ZFR: variants seen among roughly 807,000 people sequenced by gnomAD.
The protein encoded by ZFR is zinc finger RNA-binding protein.
ZFR carries 19 observed loss-of-function variants against 130.7 expected under a neutral mutation model. That is an observed-to-expected ratio of 0.15 (90% CI 0.10 to 0.21). The LOEUF (loss-of-function observed/expected upper bound fraction) is 0.21, where lower values mean the gene tolerates loss of function less well. Ranked by LOEUF, ZFR falls within the 10% of genes least tolerant of loss-of-function variation. The pLI, the probability that ZFR is intolerant of heterozygous loss-of-function variation, is 1.00. For synonymous variants in ZFR, 466 were observed against 456.9 expected (o/e 1.02, Z -0.25); for missense variants, 872 against 1,321.5 (o/e 0.66, Z 5.27).
intron 17 of ZFR, among the ~76,000 whole-genome samples, chr5:32,370,355 C>T (rs11748244): frequency 3.2e-3 from 6 of 1,896 alleles, no homozygotes; most frequent in Non-Finnish European, 7.2e-3. Context: ...GAGAGAGAGA[C>T]AGACAGACAG....
intron 6 of ZFR, among the ~76,000 whole-genome samples, chr5:32,406,322 A>G (rs1182478272): frequency 6.6e-6 from 1 of 152,212 alleles, no homozygotes; most frequent in Admixed American, 6.5e-5. Flanking sequence ...AACATACTAT[A>G]AAGTATATAT....
chr5:32,401,191 T>C (rs1753440830), intron 8 of ZFR, among the ~76,000 whole-genome samples: 1 of 152,246 alleles, frequency 6.6e-6, no homozygotes, highest in Admixed American at 6.5e-5. Flanking sequence ...TTTAAACTTT[T>C]CTTTCAAAAA....
chr5:32,366,744 G>A (rs1752554101), intron 17 of ZFR, among the ~76,000 whole-genome samples: 1 of 152,126 alleles, frequency 6.6e-6, no homozygotes, highest in South Asian at 2.1e-4. Flanking sequence ...AGGTTTTGAT[G>A]TAAAGGGTCT....
At position 32,420,024 on chromosome 5, in the gene ZFR, C is replaced by G. The variant is rs1175297380; in HGVS notation, c.217G>C (p.Ala73Pro). 6.2e-7 allele frequency: 1 copy of G among 1,613,550 alleles called. No homozygotes were observed. Among genetic ancestry groups the G allele is most frequent in the African/African-American group, 1.3e-5 (1 of 74,898 alleles). Residue 73 changes from alanine to proline, a missense_variant, in exon 3 of 20, where the codon GCT becomes CCT. This residue lies in a region of ZFR where 240 missense variants were observed against 441.2 expected (regional missense o/e 0.54). Coordinates refer to ENST00000265069, the MANE Select transcript of ZFR (RefSeq NM_016107.5). ...GCATAGGCAGCAGTAACTGTGTGAG[C>G]AGCTACTGGAGCCTGATGGACAGTG... is the stretch of plus-strand genomic sequence containing the variant. ...SYTVHQAPVA[A>P]HTVTAAYAPA...
chr5:32,440,428 A>C (rs1228421920), intron 2 of ZFR, among the ~76,000 whole-genome samples: 1 of 152,134 alleles, frequency 6.6e-6, no homozygotes, highest in African/African-American at 2.4e-5. Context: ...CGGGCGGAGG[A>C]CCGGAGTTCG....
At chr5:32,397,692 T>G (rs1753346169) in intron 9 of ZFR, among the ~76,000 whole-genome samples, 1 of 152,078 alleles carries the variant, frequency 6.6e-6, no homozygotes, top group Admixed American at 6.6e-5. Context: ...AAACTCCTTG[T>G]GATCCGCCCA....
chr5:32,359,947 GAAAA>G (rs763208305), intron 19 of ZFR, among the ~76,000 whole-genome samples: 3 of 123,952 alleles, frequency 2.4e-5, no homozygotes, highest in Admixed American at 1.6e-4. Context: ...CCGTCTTAAG[GAAAA>G]AAAAAAAAAA....
At chr5:32,429,919 T>G (rs914210110) in intron 2 of ZFR, among the ~76,000 whole-genome samples, 3 of 151,724 alleles carry the variant, frequency 2.0e-5, no homozygotes, top group South Asian at 2.1e-4. Flanking sequence ...AAAATTTTTT[T>G]TTGTTTTAAT....
chr5:32,403,348 G>T lies in ZFR; in HGVS notation c.1274C>A (p.Pro425Gln). Residue 425 changes from proline (P) to glutamine (Q), a missense_variant, in exon 8 of 20, where the codon CCA (proline) becomes CAA (glutamine). This residue lies in a region of ZFR where 143 missense variants were observed against 137.9 expected (regional missense o/e 1.04). Coordinates refer to ENST00000265069, the MANE Select transcript of ZFR (RefSeq NM_016107.5). ...AGAAGTAGCTTGGCTAACAACATTT[G>T]GTTCTGTTGATGGAATGGGTTTACC... ...KLGKPIPSTE[P>Q]NVVSQATSST... is the part of the protein sequence containing the mutation. 6.2e-7 allele frequency: 1 copy of T among 1,614,128 alleles called. No homozygotes were observed. Among genetic ancestry groups the T allele is most frequent in the Non-Finnish European group, 8.5e-7 (1 of 1,180,022 alleles).
At chr5:32,408,547 T>A (rs1015797172) in intron 5 of ZFR, among the ~76,000 whole-genome samples, 5 of 152,136 alleles carry the variant, frequency 3.3e-5, no homozygotes, top group Non-Finnish European at 7.4e-5. Context: ...ACATCTTCAT[T>A]ATTGGTAACT....
In ZFR at chr5:32,444,713, T is replaced by C. The variant is rs1278930838; in HGVS notation, c.-55A>G. On this transcript the variant is annotated 5_prime_UTR_variant, in exon 1 of 20. Transcript: ENST00000265069. ...ACTCTCACCCGCTGCCTCCCTCCTC[T>C]GCCCCGCTCCTCCTCAGCGGAGAAC... is the stretch of plus-strand genomic sequence containing the variant. 1 of 1,497,200 alleles carries C rather than the reference T, an allele frequency of 6.7e-7. No individual in the cohort carries two copies. Among genetic ancestry groups the C allele is most frequent in the Non-Finnish European group, 8.9e-7 (1 of 1,123,102 alleles). 92.7% of individuals were successfully genotyped at this position (1,497,200 alleles called of 1,614,324 possible). A position where few individuals can be genotyped will look rare whatever the true frequency, so the allele number is the denominator to read the frequency against.
chr5:32,414,652 T>C (rs1753779569), intron 5 of ZFR, among the ~76,000 whole-genome samples: 2 of 152,170 alleles, frequency 1.3e-5, no homozygotes, highest in Admixed American at 1.3e-4. Flanking sequence ...TCAATTTCAT[T>C]TGGAAAAGCA....
At chr5:32,400,992 T>A (rs1237772280) in intron 8 of ZFR, among the ~76,000 whole-genome samples, 1 of 152,252 alleles carries the variant, frequency 6.6e-6, no homozygotes, top group Non-Finnish European at 1.5e-5. Flanking sequence ...TTAGGTTTTA[T>A]CACTGTTTAT....
At chr5:32,366,691 A>G (rs1357568467) in intron 17 of ZFR, among the ~76,000 whole-genome samples, 2 of 152,174 alleles carry the variant, frequency 1.3e-5, no homozygotes, top group Non-Finnish European at 2.9e-5. Context: ...TAAAAAGATA[A>G]TATCAAAAAT....
chr5:32,393,102 G>A (rs1033771272), intron 11 of ZFR, among the ~76,000 whole-genome samples: 4 of 152,156 alleles, frequency 2.6e-5, no homozygotes, highest in African/African-American at 9.7e-5. Context: ...CACCACATAT[G>A]AACACAAAAG....
chr5:32,403,152 T>G lies in ZFR; in HGVS notation c.1470A>C (p.Thr490=), dbSNP rs545107865. 15 of 1,614,200 alleles carry G rather than the reference T, an allele frequency of 9.3e-6. No homozygotes were observed. The Admixed American group carries it at 1.8e-4, about 20-fold the overall frequency. ...TAGATGTTTTCTTGGCAGCCATATT[T>G]GTAGGCACTGCTGATACTTTAGTGT... ...TSNTKVSAVP[T]NMAAKKTSTP... The change falls in exon 8 of 20, where the codon ACA becomes ACC. Residue 490 remains threonine, a synonymous_variant. Coordinates refer to ENST00000265069, the MANE Select transcript of ZFR (RefSeq NM_016107.5).
chr5:32,404,952 G>C (rs1290159769), intron 6 of ZFR, among the ~76,000 whole-genome samples: 1 of 152,134 alleles, frequency 6.6e-6, no homozygotes, highest in East Asian at 1.9e-4. Flanking sequence ...GAGTAGCTGG[G>C]ACCACAGGTG....
rs1288724067 is a variant in ZFR at position 32,403,232 on chromosome 5, A to G, written c.1390T>C (p.Ser464Pro). The G allele has an allele frequency of 6.2e-7, 1 of 1,614,092 alleles. No individual in the cohort carries two copies. The highest frequency in any genetic ancestry group is 8.5e-7 in the Non-Finnish European group (1 of 1,180,036). The part of the protein sequence containing the change: ...CTVNTSSVAT[S>P]SMKGLTTTGN... ...GTAGTCGTAAGACCCTTCATTGAAG[A>G]CGTTGCAACTGATGACGTATTCACA... Residue 464 changes from serine (S) to proline (P), a missense_variant, in exon 8 of 20, where the codon TCT becomes CCT. Ser to Pro is a moderately conservative substitution (Grantham distance 74, BLOSUM62 -1). This residue lies in a region of ZFR where 143 missense variants were observed against 137.9 expected (regional missense o/e 1.04). Transcript: ENST00000265069.
At chr5:32,444,191 A>C (rs1220351720) in intron 2 of ZFR, 38 bp downstream of exon 2, 2 of 1,585,852 alleles carry the variant, frequency 1.3e-6, no homozygotes, top group African/African-American at 1.4e-5. Flanking sequence ...CCGAGGGGAG[A>C]GCAAGGGGCG....
Sources: allele counts gnomAD v4.1 joint callset (sites outside exome capture counted in the v4.1 genomes callset), GRCh38; gene constraint gnomAD v4.1.1; regional missense constraint gnomAD v4.1.1; transcripts MANE v1.5; gene names NCBI Gene and HGNC (gene_info 2026-07-23, HGNC 2026-07-21).